Variants in PDSS2 observed in about 807,000 individuals in gnomAD.
PDSS2 encodes the protein decaprenyl diphosphate synthase subunit 2, also known as all trans-polyprenyl-diphosphate synthase PDSS2.
In PDSS2, 31 loss-of-function variants were observed where a neutral mutation model predicts 44.5. That is an observed-to-expected ratio of 0.70 (90% CI 0.52 to 0.94). PDSS2 has a LOEUF of 0.94. PDSS2 is among the 40% of genes least tolerant of loss of function. The pLI is 0.00. For synonymous variants in PDSS2, 157 were observed against 180.3 expected (o/e 0.87, Z 1.03); for missense variants, 452 against 482.2 (o/e 0.94, Z 0.59).
chr6:107,224,038 A>G (rs1359068693), intron 4 of PDSS2, among the ~76,000 whole-genome samples: 2 of 151,310 alleles, frequency 1.3e-5, no homozygotes, highest in Non-Finnish European at 2.9e-5. Flanking sequence ...CCAGGGATCT[A>G]GGTTGCCTGC....
chr6:107,244,381 A>G (rs922309651), intron 4 of PDSS2, among the ~76,000 whole-genome samples: 1 of 152,194 alleles, frequency 6.6e-6, no homozygotes, highest in Non-Finnish European at 1.5e-5. Context: ...TACTATCTAT[A>G]CAACGTAACT....
Position 107,201,768 on chromosome 6 carries a change from A to G in PDSS2, c.1009-7914T>C, listed in dbSNP as rs1442601597. ...ATTCTTCCCAAATGTTACAGGCTAT[A>G]TTTTAGAATAACTGCCATTTTTAAA... On this transcript the variant is annotated intron_variant, in intron 6 of 7. Transcript: ENST00000369037. 2.6e-5 allele frequency among the ~76,000 whole-genome samples: 4 copies of G among 152,200 alleles called. No individual in the cohort carries two copies. The South Asian group carries it at 8.3e-4, about 32-fold the overall frequency.
At chr6:107,180,753 T>C (rs1771947325) in intron 7 of PDSS2, among the ~76,000 whole-genome samples, 1 of 152,206 alleles carries the variant, frequency 6.6e-6, no homozygotes, top group Admixed American at 6.5e-5. Context: ...TACAAAATGG[T>C]AAATTGAAGA....
intron 2 of PDSS2, among the ~76,000 whole-genome samples, chr6:107,297,117 C>T (rs997998292): frequency 6.6e-6 from 1 of 152,110 alleles, no homozygotes; most frequent in Admixed American, 6.5e-5. Context: ...CTCACATGGG[C>T]ATAGACAAAG....
At chr6:107,404,399 T>C (rs75172263) in intron 1 of PDSS2, among the ~76,000 whole-genome samples, 4,092 of 152,304 alleles carry the variant, frequency 0.027, 204 homozygotes, top group African/African-American at 0.094. Context: ...TTTTTGGGTA[T>C]CTTTACAGCA....
chr6:107,366,277 G>A (rs1239581514), intron 1 of PDSS2, among the ~76,000 whole-genome samples: 1 of 152,056 alleles, frequency 6.6e-6, no homozygotes, highest in Non-Finnish European at 1.5e-5. Flanking sequence ...CTTCTAAATA[G>A]CCCAGGGGTC....
At chr6:107,168,005 G>C (rs1198525364) in intron 7 of PDSS2, among the ~76,000 whole-genome samples, 1 of 152,160 alleles carries the variant, frequency 6.6e-6, no homozygotes. Flanking sequence ...GCTTGGTGCA[G>C]AGCTGAGTTC....
intron 2 of PDSS2, among the ~76,000 whole-genome samples, chr6:107,289,372 C>CAA (rs376719889): frequency 4.3e-4 from 49 of 112,692 alleles, no homozygotes; most frequent in Non-Finnish European, 6.0e-4. Flanking sequence ...GACTCTGTCT[C>CAA]AAAAAAAAAA....
intron 2 of PDSS2, among the ~76,000 whole-genome samples, chr6:107,302,116 T>C (rs1776716001): frequency 6.6e-6 from 1 of 152,180 alleles, no homozygotes; most frequent in Non-Finnish European, 1.5e-5. Context: ...AATAAAACTG[T>C]TCTTTAGAAA....
chr6:107,408,816 C>G (rs319060), intron 1 of PDSS2, among the ~76,000 whole-genome samples: 1 of 152,034 alleles, frequency 6.6e-6, no homozygotes, highest in South Asian at 2.1e-4. Context: ...ATCAGAGAAC[C>G]CTAAATACTT....
At chr6:107,273,920 T>A in intron 3 of PDSS2, 109 bp downstream of exon 3, 1 of 800,404 alleles carries the variant, frequency 1.2e-6, no homozygotes, top group Non-Finnish European at 2.2e-6. Context: ...TTACTGAGCA[T>A]GTACATGAGG....
intron 2 of PDSS2, among the ~76,000 whole-genome samples, chr6:107,322,794 G>C (rs1377032334): frequency 2.0e-5 from 3 of 152,320 alleles, no homozygotes; most frequent in African/African-American, 7.2e-5. Context: ...CTGCACTCCA[G>C]CCTGGGCAAC....
intron 2 of PDSS2, among the ~76,000 whole-genome samples, chr6:107,276,953 C>T (rs1775804666): frequency 7.2e-5 from 11 of 152,184 alleles, no homozygotes; most frequent in Admixed American, 7.2e-4. Context: ...TAAATAAATA[C>T]AGGAGAAACC....
chr6:107,386,611 T>C (rs1437489328), intron 1 of PDSS2, among the ~76,000 whole-genome samples: 2 of 152,132 alleles, frequency 1.3e-5, no homozygotes, highest in African/African-American at 4.8e-5. Context: ...ATCTCCTCAT[T>C]TCATAAAAGA....
intron 1 of PDSS2, among the ~76,000 whole-genome samples, chr6:107,416,782 C>A (rs1427824783): frequency 6.6e-6 from 1 of 151,842 alleles, no homozygotes; most frequent in Non-Finnish European, 1.5e-5. Flanking sequence ...TAGCAATTTG[C>A]TAAAGGCAGA....
At chr6:107,432,429 C>G (rs1245304310) in intron 1 of PDSS2, among the ~76,000 whole-genome samples, 1 of 152,186 alleles carries the variant, frequency 6.6e-6, no homozygotes, top group Non-Finnish European at 1.5e-5. Flanking sequence ...ATACAATGTG[C>G]AATGATCAAG....
intron 1 of PDSS2, among the ~76,000 whole-genome samples, chr6:107,390,072 C>T (rs1236790457): frequency 1.3e-5 from 2 of 152,024 alleles, no homozygotes; most frequent in Non-Finnish European, 2.9e-5. Flanking sequence ...CGTATTGATA[C>T]AGATAAATGG....
chr6:107,349,650 G>A (rs1778371379), intron 1 of PDSS2, among the ~76,000 whole-genome samples: 1 of 152,010 alleles, frequency 6.6e-6, no homozygotes, highest in South Asian at 2.1e-4. Flanking sequence ...TAGGGAGGCT[G>A]AGGCAGGAGA....
intron 1 of PDSS2, among the ~76,000 whole-genome samples, chr6:107,340,711 A>T (rs768187982): frequency 1.7e-4 from 26 of 152,224 alleles, no homozygotes; most frequent in Non-Finnish European, 2.8e-4. Flanking sequence ...ATTGAGCCTG[A>T]AAGATGGTCA....
Sources: gnomAD v4.1 joint callset for allele counts (sites outside exome capture counted in the v4.1 genomes callset) on GRCh38, gnomAD v4.1.1 for gene constraint, MANE v1.5 for transcripts, NCBI Gene and HGNC (gene_info 2026-07-23, HGNC 2026-07-21) for gene names.